The following RBM19 variants were observed in gnomAD, a reference collection of about 807,000 sequenced individuals.
RBM19 encodes the protein RNA binding motif protein 19.
In RBM19, 94 loss-of-function variants were observed where a neutral mutation model predicts 116.8. The observed-to-expected ratio is 0.80, with a 90% CI of 0.68 to 0.95. RBM19 has a LOEUF of 0.95. Among genes scored for constraint, RBM19 ranks in the 40% least tolerant of loss-of-function variants. The pLI is 0.00. For missense variants in RBM19, 1,161 were observed against 1,220.7 expected, an observed-to-expected ratio of 0.95 and a Z score of 0.73; for synonymous variants, 475 against 494.1, an observed-to-expected ratio of 0.96 and a Z score of 0.51.
intron 19 of RBM19, among the ~76,000 whole-genome samples, chr12:113,919,789 C>T (rs190819047): frequency 8.4e-4 from 128 of 152,168 alleles, no homozygotes; most frequent in Admixed American, 5.5e-3. Flanking sequence ...CTGTTCTCCC[C>T]ACCTTCTCCC....
Position 113,898,268 on chromosome 12 carries a change from A to G in RBM19, c.2558+16701T>C, listed in dbSNP as rs116290688. On this transcript the variant is annotated intron_variant, in intron 21 of 23. Coordinates refer to ENST00000261741, the MANE Select transcript of RBM19 (RefSeq NM_016196.4). The surrounding 1 kb of genome is among the most constrained non-coding windows in gnomAD (Gnocchi z 4.3). ...TTCAGGTTTTTCTGTTTTTATTTAG[A>G]CAGTCTAATTTTTAATACGTGTACA... 9.8e-3 allele frequency among the ~76,000 whole-genome samples: 1,492 copies of G among 152,190 alleles called. 29 individuals carry two copies. The highest frequency in any genetic ancestry group is 0.035 in the African/African-American group (1,440 of 41,496).
intron 21 of RBM19, 54 bp from the exon 22 acceptor site, chr12:113,858,950 G>T: frequency 1.3e-6 from 2 of 1,526,044 alleles, no homozygotes; most frequent in African/African-American, 1.4e-5. Flanking sequence ...CGCAAGGGAG[G>T]TCGGGAAGGC....
intron 16 of RBM19, 51 bp downstream of exon 16, chr12:113,936,956 C>T: frequency 6.3e-7 from 1 of 1,597,450 alleles, no homozygotes; most frequent in Non-Finnish European, 8.5e-7. Flanking sequence ...AACCCTCCTC[C>T]TTTCCCTCAC....
chr12:113,862,513 C>T (rs12230903), intron 21 of RBM19, among the ~76,000 whole-genome samples: 16,521 of 152,138 alleles, frequency 0.11, 1,209 homozygotes, highest in East Asian at 0.23. Context: ...TGGAGATAAG[C>T]GATATATAAA....
chr12:113,942,109 A>AG (rs1870625278), intron 14 of RBM19, among the ~76,000 whole-genome samples: 1 of 152,052 alleles, frequency 6.6e-6, no homozygotes, highest in Non-Finnish European at 1.5e-5. Flanking sequence ...TTGTAGGCAG[A>AG]CCTCTTGTAC....
intron 21 of RBM19, among the ~76,000 whole-genome samples, chr12:113,876,620 G>A (rs141860207): frequency 0.014 from 2,150 of 151,904 alleles, 54 homozygotes; most frequent in African/African-American, 0.05. Flanking sequence ...GTGAAACCCC[G>A]TCTGTACCAA....
intron 1 of RBM19, among the ~76,000 whole-genome samples, chr12:113,963,625 G>A (rs1387646656): frequency 6.6e-6 from 1 of 152,170 alleles, no homozygotes; most frequent in African/African-American, 2.4e-5. Context: ...CAGAATCAAG[G>A]TTTGTGACTC....
At chr12:113,872,611 G>A (rs1417676287) in intron 21 of RBM19, among the ~76,000 whole-genome samples, 1 of 98,862 alleles carries the variant, frequency 1.0e-5, no homozygotes, top group Non-Finnish European at 2.2e-5. Context: ...CGCCCCGTCC[G>A]GGAGGTGAAG....
intron 23 of RBM19, among the ~76,000 whole-genome samples, chr12:113,827,114 TC>T (rs1230455274): frequency 6.6e-6 from 1 of 151,854 alleles, no homozygotes; most frequent in African/African-American, 2.4e-5. Flanking sequence ...AAATCCCACT[TC>T]CCCGACATCA....
At chr12:113,961,598 C>A (rs982209923) in intron 2 of RBM19, among the ~76,000 whole-genome samples, 12 of 152,178 alleles carry the variant, frequency 7.9e-5, no homozygotes, top group Admixed American at 6.5e-4. Flanking sequence ...TATCCATCAT[C>A]TGTTTTTTCC....
At chr12:113,838,591 T>C (rs1342213050) in intron 23 of RBM19, among the ~76,000 whole-genome samples, 1 of 152,222 alleles carries the variant, frequency 6.6e-6, no homozygotes, top group Non-Finnish European at 1.5e-5. Flanking sequence ...AATGATGTTA[T>C]CTGAGGACCT....
intron 21 of RBM19, among the ~76,000 whole-genome samples, chr12:113,907,584 C>A (rs930261178): frequency 6.6e-6 from 1 of 152,216 alleles, no homozygotes; most frequent in African/African-American, 2.4e-5. Flanking sequence ...TCCTCGCGGC[C>A]AGCCCTCCGA....
chr12:113,866,511 C>T (rs969051098), intron 21 of RBM19, among the ~76,000 whole-genome samples: 15 of 152,170 alleles, frequency 9.9e-5, no homozygotes, highest in African/African-American at 2.2e-4. Flanking sequence ...CTGGATGGGG[C>T]GGATTTGGCA....
intron 16 of RBM19, among the ~76,000 whole-genome samples, chr12:113,931,327 A>G (rs895487514): frequency 6.6e-6 from 1 of 152,096 alleles, no homozygotes; most frequent in Non-Finnish European, 1.5e-5. Flanking sequence ...CCCAAGTCTT[A>G]TAAGGGCAAC....
At chr12:113,947,231 A>C (rs1871100719) in intron 11 of RBM19, 103 bp downstream of exon 11, 1 of 1,388,882 alleles carries the variant, frequency 7.2e-7, no homozygotes, top group Non-Finnish European at 9.6e-7. Flanking sequence ...TTAGGCCCAC[A>C]AAGTGGACGC....
intron 15 of RBM19, among the ~76,000 whole-genome samples, chr12:113,937,600 A>T (rs1276466535): frequency 6.6e-6 from 1 of 152,082 alleles, no homozygotes; most frequent in Non-Finnish European, 1.5e-5. Flanking sequence ...GTGCATGCAG[A>T]TGTTATTTTT....
intron 6 of RBM19, among the ~76,000 whole-genome samples, chr12:113,957,550 G>C (rs184359416): frequency 1.3e-5 from 2 of 151,818 alleles, no homozygotes; most frequent in African/African-American, 4.8e-5. Flanking sequence ...CTGGGTGACA[G>C]AGTGAGACTC....
At chr12:113,927,753 T>C (rs1312119097) in intron 16 of RBM19, among the ~76,000 whole-genome samples, 1 of 152,166 alleles carries the variant, frequency 6.6e-6, no homozygotes, top group Non-Finnish European at 1.5e-5. Context: ...AAATCCCTCA[T>C]ATGCATTACT....
intron 21 of RBM19, among the ~76,000 whole-genome samples, chr12:113,902,321 G>A (rs965268413): frequency 3.9e-5 from 6 of 152,138 alleles, no homozygotes; most frequent in Admixed American, 1.3e-4. Context: ...ACATTATAGA[G>A]CTGTGTGTGG....
Sources: gnomAD v4.1 joint callset for allele counts (sites outside exome capture counted in the v4.1 genomes callset) on GRCh38, gnomAD v4.1.1 for gene constraint, Gnocchi (gnomAD v3.1) non-coding constraint, MANE v1.5 for transcripts, NCBI Gene and HGNC (gene_info 2026-07-23, HGNC 2026-07-21) for gene names.